The following RIN3 variants were observed in gnomAD, a reference collection of about 807,000 sequenced individuals.
The protein encoded by RIN3 is RAB5 interacting protein 3.
Under a neutral mutation model 76.3 loss-of-function variants are expected in RIN3, and 54 were observed. The observed-to-expected ratio is 0.71, with a 90% CI of 0.57 to 0.89. RIN3 has a LOEUF of 0.89. Among genes scored for constraint, RIN3 ranks in the 40% least tolerant of loss-of-function variants. The pLI is 0.00. For synonymous variants in RIN3, 576 were observed against 564.0 expected, an observed-to-expected ratio of 1.02 and a Z score of -0.30; for missense variants, 1,256 against 1,322.1, an observed-to-expected ratio of 0.95 and a Z score of 0.78.
chr14:92,528,706 G>T (rs540106395), intron 1 of RIN3, among the ~76,000 whole-genome samples: 1 of 152,340 alleles, frequency 6.6e-6, no homozygotes, highest in South Asian at 2.1e-4. Flanking sequence ...GAGATACAGG[G>T]CTGCACTGTG....
chr14:92,678,744 T>A (rs934660631), intron 8 of RIN3, among the ~76,000 whole-genome samples: 4 of 152,162 alleles, frequency 2.6e-5, no homozygotes, highest in African/African-American at 9.7e-5. Context: ...GCCAAACACA[T>A]GGGCTGTGGT....
intron 1 of RIN3, among the ~76,000 whole-genome samples, chr14:92,545,406 G>A (rs553774344): frequency 1.4e-4 from 21 of 151,980 alleles, no homozygotes; most frequent in Admixed American, 2.6e-4. Context: ...CACCGCGCCC[G>A]GCCTAACTTT....
chr14:92,543,018 G>C (rs1897160726), intron 1 of RIN3, among the ~76,000 whole-genome samples: 1 of 152,150 alleles, frequency 6.6e-6, no homozygotes, highest in Admixed American at 6.6e-5. Flanking sequence ...TGATTGTGGT[G>C]GTGGTTGCAC....
chr14:92,596,994 C>T (rs1035833698), intron 3 of RIN3, among the ~76,000 whole-genome samples: 3 of 152,006 alleles, frequency 2.0e-5, no homozygotes, highest in African/African-American at 7.2e-5. Context: ...TGTTTTTTTT[C>T]CCTCCTGGAG....
intron 3 of RIN3, 43 bp from the exon 4 acceptor site, chr14:92,615,364 C>A: frequency 1.3e-6 from 2 of 1,557,670 alleles, no homozygotes; most frequent in Non-Finnish European, 1.8e-6. Context: ...TTTTCCTTGG[C>A]AGGATACTCA....
chr14:92,626,764 G>A (rs1019681861), intron 4 of RIN3, among the ~76,000 whole-genome samples: 1 of 152,034 alleles, frequency 6.6e-6, no homozygotes, highest in African/African-American at 2.4e-5. Flanking sequence ...AATTAAATGG[G>A]GAAAGGTGGT....
At chr14:92,626,863 A>G (rs1314317936) in intron 4 of RIN3, among the ~76,000 whole-genome samples, 1 of 152,118 alleles carries the variant, frequency 6.6e-6, no homozygotes, top group Non-Finnish European at 1.5e-5. Context: ...AGAGGAGAAC[A>G]GGTTGTTTTC....
chr14:92,659,322 A>C lies in RIN3; in HGVS notation c.2188A>C (p.Thr730Pro). 6.2e-7 allele frequency: 1 copy of C among 1,612,862 alleles called. No homozygotes were observed. Among genetic ancestry groups the C allele is most frequent in the South Asian group, 1.1e-5 (1 of 90,950 alleles). Residue 730 changes from threonine to proline, a missense_variant, in exon 7 of 10, where the codon ACC becomes CCC. Around this residue, in one of 3 missense-constraint regions of RIN3, gnomAD observed 428 missense variants for 521.2 expected, o/e 0.82. Coordinates refer to ENST00000216487, the MANE Select transcript of RIN3 (RefSeq NM_024832.5). Reference protein sequence around the residue: ...LATTTTDLGVTTSVPEVPMME... With the variant: ...LATTTTDLGVPTSVPEVPMME... ...CACCACCACCACTGACCTAGGTGTG[A>C]CCACCAGCGTGCCGGAGGTGCCCAT...
At chr14:92,661,760 A>ACACACACACACACACACACACACACACAC in intron 7 of RIN3, among the ~76,000 whole-genome samples, 1 of 128,034 alleles carries the variant, frequency 7.8e-6, no homozygotes, top group African/African-American at 3.1e-5. Flanking sequence ...CACACACACA[A>ACACACACACACACACACACACACACACAC]AAAATAGAAT....
In RIN3 at chr14:92,513,823, T is replaced by A; in HGVS notation, c.-110T>A. ...CCAGAGCGCGGCGGCAGCGGCGGCCTGGCCCTTCCAGAGGGCCAGAGCCAG... is the reference window on the plus strand; with the variant it reads ...CCAGAGCGCGGCGGCAGCGGCGGCCAGGCCCTTCCAGAGGGCCAGAGCCAG... On this transcript the variant is annotated 5_prime_UTR_variant, in exon 1 of 10. Transcript: ENST00000216487. 3 of 661,474 alleles carry A rather than the reference T, an allele frequency of 4.5e-6. No homozygotes were observed. The highest frequency in any genetic ancestry group is 1.9e-5 in the African/African-American group (1 of 52,952). The allele number at this position is 661,474 out of a possible 1,614,324, so 41.0% of individuals were successfully genotyped here. A position where few individuals can be genotyped will look rare whatever the true frequency, so the allele number is the denominator to read the frequency against.
At chr14:92,579,884 A>G (rs1292750729) in intron 3 of RIN3, among the ~76,000 whole-genome samples, 5 of 152,268 alleles carry the variant, frequency 3.3e-5, no homozygotes. Context: ...CATGGAGGAT[A>G]CAGGTCACTG....
chr14:92,661,723 T>TCA lies in RIN3; in HGVS notation c.2335+2289_2335+2290dup, dbSNP rs778646491. On this transcript the variant is annotated intron_variant, in intron 7 of 9. Coordinates refer to ENST00000216487, the MANE Select transcript of RIN3 (RefSeq NM_024832.5). ...TGGGTGGTGACAGAGTGAGACTCTG[T>TCA]CACACACACACACACACACACACAC... Among the ~76,000 whole-genome samples, 603 of 134,958 alleles carry TCA rather than the reference T, an allele frequency of 4.5e-3. 10 individuals are homozygous for TCA. Among genetic ancestry groups the TCA allele is most frequent in the South Asian group, 0.038 (156 of 4,102 alleles). 88.5% of individuals were successfully genotyped at this position (134,958 alleles called of 152,430 possible). A position where few individuals can be genotyped will look rare whatever the true frequency, so the allele number is the denominator to read the frequency against.
chr14:92,634,199 C>A lies in RIN3; in HGVS notation c.441-7039C>A, dbSNP rs147300741. Reference sequence around the variant, plus strand: ...AAGCAATTCTCCTGCCTCAGCCTCCCACATAGCTGGGATTACAGGCACCTG... The same window carrying A: ...AAGCAATTCTCCTGCCTCAGCCTCCAACATAGCTGGGATTACAGGCACCTG... On this transcript the variant is annotated intron_variant, in intron 4 of 9. Coordinates refer to ENST00000216487, the MANE Select transcript of RIN3 (RefSeq NM_024832.5). Among the ~76,000 whole-genome samples, 576 of 151,900 alleles carry A rather than the reference C, an allele frequency of 3.8e-3. 3 individuals are homozygous for A. The highest frequency in any genetic ancestry group is 0.013 in the African/African-American group (547 of 41,436).
intron 3 of RIN3, among the ~76,000 whole-genome samples, chr14:92,588,214 CTTTTTTTTTTTTTTTTTT>C (rs141155255): frequency 1.0e-4 from 6 of 58,760 alleles, no homozygotes; most frequent in Non-Finnish European, 1.8e-4. Flanking sequence ...CCATAGCACT[CTTTTTTTTTTTTTTTTTT>C]TTTTTTTTTT....
intron 3 of RIN3, among the ~76,000 whole-genome samples, chr14:92,592,651 TTATTA>T (rs1885022750): frequency 2.8e-5 from 1 of 35,732 alleles, no homozygotes; most frequent in African/African-American, 1.2e-4. Context: ...TGTATTATTA[TTATTA>T]TTATTATTAT....
At chr14:92,686,046 G>A (rs1888845570) in intron 9 of RIN3, 1 of 152,422 alleles carries the variant, frequency 6.6e-6, no homozygotes, top group African/African-American at 2.4e-5. Context: ...GAGCAGGACT[G>A]GGTGTGTAAA....
chr14:92,630,287 T>C (rs1886526944), intron 4 of RIN3, among the ~76,000 whole-genome samples: 1 of 152,090 alleles, frequency 6.6e-6, no homozygotes, highest in Admixed American at 6.5e-5. Flanking sequence ...CGTCAGGAGT[T>C]CTCAAGACCA....
chr14:92,586,946 A>T (rs1884799049), intron 3 of RIN3, among the ~76,000 whole-genome samples: 1 of 152,226 alleles, frequency 6.6e-6, no homozygotes, highest in African/African-American at 2.4e-5. Context: ...TGTTAAGCTG[A>T]GTCCACAGCC....
In RIN3 at chr14:92,601,629, T is replaced by C. The variant is rs1214547704; in HGVS notation, c.368-13778T>C. The stretch of plus-strand genomic sequence containing the variant: ...CTCCCAGAGAGAACAAAGTGTTTTT[T>C]CTCAATGGGTCCAGTCAAAGACATC... On this transcript the variant is annotated intron_variant, in intron 3 of 9. Transcript: ENST00000216487. 2.6e-5 allele frequency among the ~76,000 whole-genome samples: 4 copies of C among 152,268 alleles called. No homozygotes were observed. In the East Asian group the frequency reaches 7.7e-4, roughly 29 times the overall value.
Sources: gnomAD v4.1 joint callset for allele counts (sites outside exome capture counted in the v4.1 genomes callset) on GRCh38, gnomAD v4.1.1 for gene constraint, gnomAD v4.1.1 regional missense constraint, MANE v1.5 for transcripts, NCBI Gene and HGNC (gene_info 2026-07-23, HGNC 2026-07-21) for gene names.